OTOGL: variants seen among roughly 807,000 people sequenced by gnomAD.
OTOGL encodes otogelin like.
Under a neutral mutation model 318.5 loss-of-function variants are expected in OTOGL, and 285 were observed. The observed-to-expected ratio is 0.89, with a 90% CI of 0.81 to 0.99. OTOGL has a LOEUF of 0.99. Among genes scored for constraint, OTOGL ranks in the 50% least tolerant of loss-of-function variants. The probability of loss-of-function intolerance (pLI) is 0.00; values close to 1 mark genes in which losing one functional copy is unlikely to be tolerated. For missense variants in OTOGL, 2,899 were observed against 2,845.6 expected (o/e 1.02, Z -0.43); for synonymous variants, 987 against 936.5 (o/e 1.05, Z -0.99).
chr12:80,339,050 A>G, intron 42 of OTOGL, 25 bp from the exon 43 acceptor site: 1 of 1,514,186 alleles, frequency 6.6e-7, no homozygotes. Context: ...AATATTTCTT[A>G]ACAGGTGTAT....
At chr12:80,374,677 G>A in intron 57 of OTOGL, among the ~76,000 whole-genome samples, 1 of 151,654 alleles carries the variant, frequency 6.6e-6, no homozygotes, top group African/African-American at 2.4e-5. Flanking sequence ...TCAGATTCTA[G>A]ACTCTTCCTT....
intron 1 of OTOGL, among the ~76,000 whole-genome samples, chr12:80,206,989 T>C (rs1274148947): frequency 6.6e-6 from 1 of 152,206 alleles, no homozygotes; most frequent in East Asian, 1.9e-4. Flanking sequence ...GATGAAAAGT[T>C]CAGAGTTACT....
intron 11 of OTOGL, among the ~76,000 whole-genome samples, chr12:80,242,649 T>TGATAGGGTA (rs1216190152): frequency 1.3e-5 from 2 of 152,126 alleles, no homozygotes; most frequent in East Asian, 3.9e-4. Flanking sequence ...GTGTATTGAA[T>TGATAGGGTA]TCAATTCAAC....
intron 1 of OTOGL, among the ~76,000 whole-genome samples, chr12:80,114,848 C>T (rs1446910108): frequency 6.6e-6 from 1 of 151,648 alleles, no homozygotes; most frequent in Non-Finnish European, 1.5e-5. Flanking sequence ...TGTCTTTACA[C>T]TTTATTTCAT....
chr12:80,370,786 C>A, intron 56 of OTOGL, 97 bp downstream of exon 56: 1 of 904,660 alleles, frequency 1.1e-6, no homozygotes, highest in Non-Finnish European at 1.5e-6. Context: ...GTGGCTTATA[C>A]ATAATGGCGA....
chr12:80,338,292 G>C (rs1453263817), intron 42 of OTOGL, among the ~76,000 whole-genome samples: 1 of 151,934 alleles, frequency 6.6e-6, no homozygotes, highest in Non-Finnish European at 1.5e-5. Context: ...TCTGGGGGAG[G>C]TCACACTTAA....
intron 1 of OTOGL, among the ~76,000 whole-genome samples, chr12:80,193,519 G>GTAATAATAA (rs146790597): frequency 1.3e-5 from 2 of 151,092 alleles, no homozygotes; most frequent in African/African-American, 4.9e-5. Context: ...TCATCTAAAA[G>GTAATAATAA]TAATAATAAT....
intron 9 of OTOGL, among the ~76,000 whole-genome samples, chr12:80,234,725 G>C (rs1879685012): frequency 2.0e-5 from 3 of 152,222 alleles, no homozygotes; most frequent in South Asian, 4.1e-4. Flanking sequence ...ACATTGCTTT[G>C]AGAAGCCTTT....
At chr12:80,229,462 G>A in intron 8 of OTOGL, 84 bp downstream of exon 8, 1 of 1,458,148 alleles carries the variant, frequency 6.9e-7, no homozygotes, top group Non-Finnish European at 9.4e-7. Context: ...GTGAACTGTG[G>A]AGAGTAGGAA....
chr12:80,305,312 TA>T (rs1162783240), intron 28 of OTOGL, among the ~76,000 whole-genome samples: 1 of 152,194 alleles, frequency 6.6e-6, no homozygotes, highest in Non-Finnish European at 1.5e-5. Context: ...TTTATGTTAT[TA>T]GTTGTATTAA....
At chr12:80,127,099 T>C (rs1037564017) in intron 1 of OTOGL, among the ~76,000 whole-genome samples, 4 of 152,226 alleles carry the variant, frequency 2.6e-5, no homozygotes, top group African/African-American at 9.6e-5. Context: ...GTTAGCTGGT[T>C]ATTTTGCACG....
intron 29 of OTOGL, among the ~76,000 whole-genome samples, chr12:80,309,669 C>T (rs1886498224): frequency 6.6e-6 from 1 of 152,180 alleles, no homozygotes; most frequent in Non-Finnish European, 1.5e-5. Context: ...AGAAGGTCTC[C>T]TACTTTCCTG....
At chr12:80,362,688 A>G (rs1890305796) in intron 52 of OTOGL, among the ~76,000 whole-genome samples, 1 of 152,192 alleles carries the variant, frequency 6.6e-6, no homozygotes, top group East Asian at 1.9e-4. Flanking sequence ...CACATTATAG[A>G]GATCATTATG....
At chr12:80,339,308 T>G (rs754240372) in intron 43 of OTOGL, 44 bp downstream of exon 43, 4 of 1,414,022 alleles carry the variant, frequency 2.8e-6, no homozygotes, top group Non-Finnish European at 2.9e-6. Flanking sequence ...GTTTTTTTTT[T>G]TTTTTTTTTT....
In OTOGL at chr12:80,341,964, T is replaced by C. The variant is rs1888797330; in HGVS notation, c.5067T>C (p.Asp1689=). The part of the protein sequence containing the change: ...TEGLCGICNE[D]PDDDLRMQNG... The stretch of plus-strand genomic sequence containing the variant: ...TCTTTCAAGGAATTTGCAATGAAGA[T>C]CCGGATGATGATCTAAGGATGCAAA... Residue 1689 remains aspartate (D), a synonymous_variant, in exon 44 of 59, where the codon GAT becomes GAC. Coordinates refer to ENST00000547103, the MANE Select transcript of OTOGL (RefSeq NM_001378609.3). 1 of 1,604,546 alleles carries C rather than the reference T, an allele frequency of 6.2e-7. No homozygotes were observed. The highest frequency in any genetic ancestry group is 8.5e-7 in the Non-Finnish European group (1 of 1,174,252).
intron 1 of OTOGL, among the ~76,000 whole-genome samples, chr12:80,182,177 A>C (rs1291741460): frequency 6.6e-6 from 1 of 152,132 alleles, no homozygotes; most frequent in Non-Finnish European, 1.5e-5. Context: ...AAAGGGGGTA[A>C]AAAAATTAAA....
At chr12:80,327,913 C>T (rs748741177) in intron 35 of OTOGL, among the ~76,000 whole-genome samples, 6 of 130,866 alleles carry the variant, frequency 4.6e-5, no homozygotes, top group South Asian at 5.2e-4. Flanking sequence ...GAGCCGAGAT[C>T]GCGCCACTGC....
At chr12:80,251,317 G>A (rs1881523823) in intron 11 of OTOGL, among the ~76,000 whole-genome samples, 1 of 152,112 alleles carries the variant, frequency 6.6e-6, no homozygotes, top group Non-Finnish European at 1.5e-5. Context: ...GTTTTAACAG[G>A]ACTTATTAAA....
chr12:80,127,682 A>G (rs1315621627), intron 1 of OTOGL, among the ~76,000 whole-genome samples: 1 of 152,216 alleles, frequency 6.6e-6, no homozygotes, highest in African/African-American at 2.4e-5. Context: ...TACACCAATC[A>G]GATGTAGATT....
Sources: allele counts gnomAD v4.1 joint callset (sites outside exome capture counted in the v4.1 genomes callset), GRCh38; gene constraint gnomAD v4.1.1; transcripts MANE v1.5; gene names NCBI Gene and HGNC (gene_info 2026-07-23, HGNC 2026-07-21).